KHDRBS2: variants seen among roughly 807,000 people sequenced by gnomAD.
The protein encoded by KHDRBS2 is KH RNA binding domain containing, signal transduction associated 2.
A neutral mutation model predicts 44.3 loss-of-function variants in KHDRBS2; 26 were observed. The ratio of observed to expected loss-of-function variants is 0.59; its 90% CI spans 0.43 to 0.81. KHDRBS2 has a LOEUF of 0.81. Among genes scored for constraint, KHDRBS2 ranks in the 40% least tolerant of loss-of-function variants. The pLI, the probability that KHDRBS2 is intolerant of heterozygous loss-of-function variation, is 0.00. For synonymous variants in KHDRBS2, 194 were observed against 151.1 expected (o/e 1.28, Z -2.08); for missense variants, 476 against 433.1 (o/e 1.10, Z -0.88).
At chr6:61,662,120 C>A in the KHDRBS2 span, among the ~76,000 whole-genome samples, 2 of 152,022 alleles carry the variant, frequency 1.3e-5, no homozygotes, top group Non-Finnish European at 2.9e-5. Context: ...TGATCTTTGA[C>A]AAACCTGAGA....
intron 6 of KHDRBS2, among the ~76,000 whole-genome samples, chr6:61,875,774 G>A (rs1367406871): frequency 6.6e-6 from 1 of 151,928 alleles, no homozygotes. Flanking sequence ...GTCCATAATA[G>A]TTAATTTTAC....
chr6:61,795,232 T>G (rs1182472123), intron 6 of KHDRBS2, among the ~76,000 whole-genome samples: 1 of 150,286 alleles, frequency 6.7e-6, no homozygotes, highest in Non-Finnish European at 1.5e-5. Context: ...CTCAACTATA[T>G]AACAGCAATG....
the KHDRBS2 span, among the ~76,000 whole-genome samples, chr6:61,569,207 C>A: frequency 3.9e-5 from 6 of 152,044 alleles, no homozygotes; most frequent in African/African-American, 1.2e-4. Context: ...TGAGAACCAC[C>A]CTCCCGTTCC....
chr6:61,941,654 G>A (rs566808781), intron 4 of KHDRBS2, among the ~76,000 whole-genome samples: 59 of 152,160 alleles, frequency 3.9e-4, no homozygotes, highest in African/African-American at 1.4e-3. Flanking sequence ...GACCGTGGAT[G>A]CTGTTCACAG....
At chr6:62,175,956 T>C (rs1446014421) in intron 2 of KHDRBS2, among the ~76,000 whole-genome samples, 1 of 151,400 alleles carries the variant, frequency 6.6e-6, no homozygotes, top group African/African-American at 2.4e-5. Flanking sequence ...CTTTCCCATA[T>C]CCAGAGATAA....
intron 6 of KHDRBS2, among the ~76,000 whole-genome samples, chr6:61,735,079 T>C (rs891519567): frequency 1.3e-5 from 2 of 152,036 alleles, no homozygotes; most frequent in African/African-American, 2.4e-5. Context: ...TGGAGAAAAA[T>C]ATTTTGATTC....
intron 3 of KHDRBS2, among the ~76,000 whole-genome samples, chr6:61,981,612 A>T (rs2127405263): frequency 6.6e-6 from 1 of 152,274 alleles, no homozygotes; most frequent in East Asian, 1.9e-4. Context: ...GATCCTATTT[A>T]ATGCAGTGTT....
At chr6:62,064,077 C>CA (rs893192185) in intron 2 of KHDRBS2, among the ~76,000 whole-genome samples, 1 of 120,332 alleles carries the variant, frequency 8.3e-6, no homozygotes, top group Non-Finnish European at 1.8e-5. Context: ...TTACAAGGGA[C>CA]GTGAAGGACC....
rs189205682 is a variant in KHDRBS2, at chr6:61,755,793, C to T, written c.811-23029G>A. On this transcript the variant is annotated intron_variant, in intron 6 of 8. Transcript: ENST00000281156. ...CCAGCCTGGGCAACAGGGCAAGACT[C>T]TGTCTCAAAAAAAAAAAAAAAAAAT... Among the ~76,000 whole-genome samples the T allele has an allele frequency of 4.9e-3, 625 of 126,620 alleles. 5 individuals are homozygous for T. The highest frequency in any genetic ancestry group is 0.017 in the African/African-American group (604 of 36,484). The allele number at this position is 126,620 out of a possible 152,430, so 83.1% of individuals were successfully genotyped here.
the KHDRBS2 span, among the ~76,000 whole-genome samples, chr6:61,662,684 T>C: frequency 1.3e-5 from 2 of 151,826 alleles, no homozygotes; most frequent in Admixed American, 1.3e-4. Flanking sequence ...GAAATGCAAA[T>C]CAAAACCACA....
chr6:62,139,950 C>G (rs1194467726), intron 2 of KHDRBS2, among the ~76,000 whole-genome samples: 1 of 146,888 alleles, frequency 6.8e-6, no homozygotes, highest in Non-Finnish European at 1.5e-5. Flanking sequence ...CTTACAATCA[C>G]TATTCCTTTA....
At chr6:61,955,676 A>ATGTGTATATATACACG (rs1562522105) in intron 4 of KHDRBS2, among the ~76,000 whole-genome samples, 4 of 106,428 alleles carry the variant, frequency 3.8e-5, no homozygotes, top group Non-Finnish European at 6.1e-5. Flanking sequence ...ATATGTACAC[A>ATGTGTATATATACACG]TATGTATGTA....
the KHDRBS2 span, among the ~76,000 whole-genome samples, chr6:61,557,351 C>A: frequency 3.3e-5 from 5 of 152,066 alleles, no homozygotes; most frequent in African/African-American, 7.2e-5. Context: ...ATGAAGAAAG[C>A]GAAATAAAGT....
the KHDRBS2 span, among the ~76,000 whole-genome samples, chr6:61,575,073 A>G: frequency 3.9e-5 from 6 of 152,240 alleles, no homozygotes. Context: ...CATGACCAAG[A>G]ACCCAAAAGC....
At chr6:62,110,141 C>T (rs1804662852) in intron 2 of KHDRBS2, among the ~76,000 whole-genome samples, 1 of 151,976 alleles carries the variant, frequency 6.6e-6, no homozygotes, top group South Asian at 2.1e-4. Context: ...ATACTGCTAC[C>T]TACCTAATAG....
intron 6 of KHDRBS2, among the ~76,000 whole-genome samples, chr6:61,764,964 A>C (rs74914633): frequency 1.9e-4 from 24 of 123,172 alleles, no homozygotes; most frequent in Non-Finnish European, 2.9e-4. Flanking sequence ...TTAATAGTTA[A>C]ATTAAATTTT....
At chr6:62,136,395 CTAAT>C (rs1811530833) in intron 2 of KHDRBS2, among the ~76,000 whole-genome samples, 1 of 152,136 alleles carries the variant, frequency 6.6e-6, no homozygotes, top group Admixed American at 6.5e-5. Context: ...GGCAGTTTCA[CTAAT>C]TGATTCTCAA....
At chr6:61,782,590 T>C (rs1191041044) in intron 6 of KHDRBS2, among the ~76,000 whole-genome samples, 1 of 150,990 alleles carries the variant, frequency 6.6e-6, no homozygotes, top group East Asian at 1.9e-4. Flanking sequence ...GTGCTCAAGA[T>C]TGTGTATTAT....
At chr6:62,137,980 G>C (rs1202401973) in intron 2 of KHDRBS2, among the ~76,000 whole-genome samples, 1 of 152,056 alleles carries the variant, frequency 6.6e-6, no homozygotes, top group Non-Finnish European at 1.5e-5. Context: ...TTACTGTTCT[G>C]CGTGGTTGTT....
Sources: gnomAD v4.1 joint callset for allele counts (sites outside exome capture counted in the v4.1 genomes callset) on GRCh38, gnomAD v4.1.1 for gene constraint, MANE v1.5 for transcripts, NCBI Gene and HGNC (gene_info 2026-07-23, HGNC 2026-07-21) for gene names.